TFDP1: variants seen among roughly 807,000 people sequenced by gnomAD.
TFDP1 encodes the protein transcription factor Dp-1, also known as DRTF1-polypeptide 1.
TFDP1 carries 6 observed loss-of-function variants against 48.0 expected under a neutral mutation model. The ratio of observed to expected loss-of-function variants is 0.13; its 90% confidence interval spans 0.07 to 0.25. The LOEUF (loss-of-function observed/expected upper bound fraction) is 0.25. Among genes scored for constraint, TFDP1 ranks in the 10% least tolerant of loss-of-function variants. The pLI, the probability that TFDP1 is intolerant of heterozygous loss-of-function variation, is 1.00. For synonymous variants in TFDP1, 201 were observed against 211.6 expected, an observed-to-expected ratio of 0.95 and a Z score of 0.44; for missense variants, 335 against 543.0, an observed-to-expected ratio of 0.62 and a Z score of 3.81.
At chr13:113,605,330 G>A (rs2048537294) in intron 2 of TFDP1, among the ~76,000 whole-genome samples, 1 of 151,794 alleles carries the variant, frequency 6.6e-6, no homozygotes, top group South Asian at 2.1e-4. Context: ...TCCATTCAAA[G>A]ATAAATTCAG....
chr13:113,588,641 G>A (rs2048063058), intron 2 of TFDP1, among the ~76,000 whole-genome samples: 1 of 152,188 alleles, frequency 6.6e-6, no homozygotes, highest in Non-Finnish European at 1.5e-5. Flanking sequence ...TTGCAGAGTG[G>A]GTAGGAAATG....
At chr13:113,635,745 G>A (rs2049468176) in intron 8 of TFDP1, among the ~76,000 whole-genome samples, 1 of 152,158 alleles carries the variant, frequency 6.6e-6, no homozygotes, top group Admixed American at 6.5e-5. Context: ...ATCAGGGCAC[G>A]GATGGCTGTG....
At chr13:113,606,937 A>T (rs1001082132) in intron 2 of TFDP1, among the ~76,000 whole-genome samples, 1 of 151,930 alleles carries the variant, frequency 6.6e-6, no homozygotes. Context: ...TCATGTTCCT[A>T]GTTGGAAATT....
chr13:113,613,739 T>C (rs1324518018), intron 3 of TFDP1, among the ~76,000 whole-genome samples: 10 of 112,386 alleles, frequency 8.9e-5, no homozygotes, highest in African/African-American at 3.7e-4. Flanking sequence ...CATGAGTGTG[T>C]CTGTGTGTAT....
chr13:113,592,211 A>C (rs534142022), intron 2 of TFDP1, among the ~76,000 whole-genome samples: 1 of 152,226 alleles, frequency 6.6e-6, no homozygotes, highest in Non-Finnish European at 1.5e-5. Context: ...GCTGGAGTGC[A>C]ATGGCACGAT....
At chr13:113,600,415 G>T in intron 2 of TFDP1, among the ~76,000 whole-genome samples, 1 of 147,294 alleles carries the variant, frequency 6.8e-6, no homozygotes, top group South Asian at 2.2e-4. Flanking sequence ...TGCACTTAGG[G>T]CTCCAGGACT....
chr13:113,585,101 C>T (rs868199138), intron 1 of TFDP1, among the ~76,000 whole-genome samples: 6 of 146,688 alleles, frequency 4.1e-5, no homozygotes, highest in Admixed American at 4.1e-4. Context: ...GCGGGGGTCC[C>T]GGGCCCGGCC....
chr13:113,585,674 G>T, intron 1 of TFDP1, 100 bp from the exon 2 acceptor site: 2 of 674,516 alleles, frequency 3.0e-6, no homozygotes, highest in Non-Finnish European at 4.8e-6. Flanking sequence ...CTTTGGGAAG[G>T]AAGGTCCGCG....
intron 4 of TFDP1, among the ~76,000 whole-genome samples, chr13:113,625,716 A>G (rs143974309): frequency 0.028 from 677 of 24,618 alleles, 39 homozygotes; most frequent in Admixed American, 0.034. Context: ...CGTCTCTCAC[A>G]TGTCTTCAGG....
At chr13:113,614,038 GTT>G (rs2048788910) in intron 3 of TFDP1, among the ~76,000 whole-genome samples, 2 of 113,456 alleles carry the variant, frequency 1.8e-5, no homozygotes, top group African/African-American at 5.0e-5. Flanking sequence ...GCGTTTGTGA[GTT>G]GTGTGTGAGA....
In TFDP1 at chr13:113,624,069, G is replaced by A. The variant is rs909717874; in HGVS notation, c.186+783G>A. 8.5e-5 allele frequency among the ~76,000 whole-genome samples: 13 copies of A among 152,214 alleles called. 1 individual carries two copies. In the South Asian group the frequency reaches 2.7e-3, roughly 32 times the overall value. On this transcript the variant is annotated intron_variant, in intron 4 of 11. Coordinates refer to ENST00000375370, the MANE Select transcript of TFDP1 (RefSeq NM_007111.5). ...CCTTCCTCAGGGACTTGTTTATGGT[G>A]CCTGAGGGCTCCTTCCTGGTCCTGA...
intron 4 of TFDP1, among the ~76,000 whole-genome samples, chr13:113,625,451 G>T (rs2049127530): frequency 9.6e-6 from 1 of 104,576 alleles, no homozygotes; most frequent in Non-Finnish European, 1.8e-5. Flanking sequence ...ATGTCCTCAG[G>T]TGTCTCTCAC....
intron 3 of TFDP1, among the ~76,000 whole-genome samples, chr13:113,617,349 C>T (rs74116263): frequency 0.018 from 2,742 of 150,940 alleles, 79 homozygotes; most frequent in African/African-American, 0.059. Context: ...GTGCTGACAA[C>T]AGAGAAGAAC....
chr13:113,616,115 A>G (rs1275176248), intron 3 of TFDP1, among the ~76,000 whole-genome samples: 1 of 151,870 alleles, frequency 6.6e-6, no homozygotes, highest in Non-Finnish European at 1.5e-5. Context: ...AGGCAGGAGA[A>G]TCACTTGAAC....
intron 4 of TFDP1, among the ~76,000 whole-genome samples, chr13:113,629,390 T>C (rs1160798038): frequency 6.6e-6 from 1 of 152,234 alleles, no homozygotes; most frequent in Non-Finnish European, 1.5e-5. Context: ...ATTGAGCACC[T>C]GGTGTGTACC....
chr13:113,617,712 C>G (rs1306656458), intron 3 of TFDP1, among the ~76,000 whole-genome samples: 2 of 152,200 alleles, frequency 1.3e-5, no homozygotes, highest in Non-Finnish European at 2.9e-5. Context: ...AGGGGTTGTG[C>G]TTGGCCAGAT....
rs1199866583 is a variant in TFDP1, at chr13:113,641,102, A to G, written c.*835A>G. ...ACTTATAAGTCTATCATTTAAAGAC[A>G]TGTACTGAAACAAATGTATTTGTTT... On this transcript the variant is annotated 3_prime_UTR_variant, in exon 12 of 12. Transcript: ENST00000375370. The G allele has an allele frequency of 6.6e-6, 1 of 152,666 alleles. No individual in the cohort carries two copies. The highest frequency in any genetic ancestry group is 1.5e-5 in the Non-Finnish European group (1 of 68,048). 9.5% of individuals were successfully genotyped at this position (152,666 alleles called of 1,614,324 possible). A position where few individuals can be genotyped will look rare whatever the true frequency, so the allele number is the denominator to read the frequency against.
intron 2 of TFDP1, among the ~76,000 whole-genome samples, chr13:113,602,561 C>A (rs909460432): frequency 6.6e-6 from 1 of 152,190 alleles, no homozygotes; most frequent in Non-Finnish European, 1.5e-5. Context: ...TGGCGCAGGC[C>A]ACTCCAGTCC....
At position 113,627,475 on chromosome 13, in the gene TFDP1, T is replaced by C. The variant is rs1485490652; in HGVS notation, c.187-4148T>C. On this transcript the variant is annotated intron_variant, in intron 4 of 11. Transcript: ENST00000375370. The surrounding 1 kb of genome is among the most constrained non-coding windows in gnomAD (Gnocchi z 4.1). ...TTGCAGCTGCGCCACTGGCCCTGTCTCTCTGGACACCGCGGTTAACCTTGG... is the reference window on the plus strand; with the variant it reads ...TTGCAGCTGCGCCACTGGCCCTGTCCCTCTGGACACCGCGGTTAACCTTGG... 1.3e-5 allele frequency among the ~76,000 whole-genome samples: 2 copies of C among 152,222 alleles called. No individual in the cohort carries two copies. Among genetic ancestry groups the C allele is most frequent in the Non-Finnish European group, 2.9e-5 (2 of 68,040 alleles).
Sources: gnomAD v4.1 joint callset for allele counts (sites outside exome capture counted in the v4.1 genomes callset) on GRCh38, gnomAD v4.1.1 for gene constraint, Gnocchi (gnomAD v3.1) non-coding constraint, MANE v1.5 for transcripts, NCBI Gene and HGNC (gene_info 2026-07-23, HGNC 2026-07-21) for gene names.